ROBO2: variants seen among roughly 807,000 people sequenced by gnomAD.
ROBO2 encodes roundabout guidance receptor 2, also known as roundabout homolog 2.
ROBO2 carries 53 observed loss-of-function variants against 160.8 expected under a neutral mutation model. That is an observed-to-expected ratio of 0.33 (90% CI 0.26 to 0.41). ROBO2 has a LOEUF of 0.41. Among genes scored for constraint, ROBO2 ranks in the 10% least tolerant of loss-of-function variants. The probability of loss-of-function intolerance (pLI) is 1.00; values close to 1 mark genes in which losing one functional copy is unlikely to be tolerated. For missense variants in ROBO2, 1,577 were observed against 1,722.4 expected, an observed-to-expected ratio of 0.92 and a Z score of 1.49; for synonymous variants, 664 against 611.7, an observed-to-expected ratio of 1.09 and a Z score of -1.26.
intron 2 of ROBO2, among the ~76,000 whole-genome samples, chr3:77,216,896 T>A (rs921892892): frequency 6.6e-6 from 1 of 152,188 alleles, no homozygotes; most frequent in Non-Finnish European, 1.5e-5. Flanking sequence ...ATCACTCTTA[T>A]CAAGTGTGTC....
intron 19 of ROBO2, among the ~76,000 whole-genome samples, chr3:77,601,599 T>G (rs2094431512): frequency 6.6e-6 from 1 of 152,214 alleles, no homozygotes; most frequent in Non-Finnish European, 1.5e-5. Flanking sequence ...GATTGCTTTT[T>G]CTATAGTTAA....
At chr3:76,097,209 T>C (rs2069487647) in intron 2 of ROBO2, among the ~76,000 whole-genome samples, 1 of 152,182 alleles carries the variant, frequency 6.6e-6, no homozygotes, top group South Asian at 2.1e-4. Context: ...GCCAACCCTA[T>C]GTGCTGCAGC....
intron 2 of ROBO2, among the ~76,000 whole-genome samples, chr3:76,498,978 C>T (rs936406357): frequency 2.6e-5 from 4 of 152,238 alleles, no homozygotes; most frequent in East Asian, 3.9e-4. Flanking sequence ...TGAGCCACTG[C>T]GCCCAGCAGT....
chr3:76,115,958 G>A (rs879488477), intron 2 of ROBO2, among the ~76,000 whole-genome samples: 2 of 152,084 alleles, frequency 1.3e-5, no homozygotes, highest in Non-Finnish European at 2.9e-5. Flanking sequence ...AAAATTTAAT[G>A]CAGACATTTT....
intron 2 of ROBO2, among the ~76,000 whole-genome samples, chr3:76,235,465 C>T (rs916792618): frequency 1.3e-5 from 2 of 152,118 alleles, no homozygotes; most frequent in South Asian, 2.1e-4. Flanking sequence ...TCTACGACTG[C>T]GGAGAATACA....
intron 2 of ROBO2, among the ~76,000 whole-genome samples, chr3:77,105,285 G>A (rs1173205119): frequency 5.9e-5 from 9 of 152,202 alleles, no homozygotes; most frequent in Non-Finnish European, 1.2e-4. Flanking sequence ...GTGGCGATGA[G>A]TTGGACTGGA....
chr3:75,964,005 G>C (rs1019242256), intron 2 of ROBO2, among the ~76,000 whole-genome samples: 1 of 151,658 alleles, frequency 6.6e-6, no homozygotes, highest in African/African-American at 2.4e-5. Flanking sequence ...GAATTTCACC[G>C]TATGAATTTG....
chr3:77,646,118 A>T (rs2095410968), exon 26 of ROBO2: 1 of 1,344,026 alleles, frequency 7.4e-7, no homozygotes, highest in African/African-American at 1.4e-5. Context: ...CATGGAAGTG[A>T]TGACTCTAAA....
At chr3:76,999,783 G>A (rs962599226) in intron 2 of ROBO2, among the ~76,000 whole-genome samples, 2 of 152,094 alleles carry the variant, frequency 1.3e-5, no homozygotes, top group African/African-American at 2.4e-5. Context: ...GCCTTATTCC[G>A]CCGTGCTGAT....
intron 2 of ROBO2, among the ~76,000 whole-genome samples, chr3:77,236,176 T>C (rs1158373421): frequency 1.3e-5 from 2 of 152,132 alleles, no homozygotes; most frequent in African/African-American, 2.4e-5. Context: ...GTCTGGAAAG[T>C]AGGGGCAACT....
intron 2 of ROBO2, among the ~76,000 whole-genome samples, chr3:76,164,941 C>T (rs1441725844): frequency 1.3e-5 from 2 of 152,186 alleles, no homozygotes; most frequent in Admixed American, 1.3e-4. Context: ...TAGGACTGGC[C>T]ATGGACCCAG....
rs78860654 is a variant in ROBO2, at chr3:75,935,278, C to T, written c.-13-2203C>T. On this transcript the variant is annotated intron_variant, in intron 1 of 26. Transcript: ENST00000487694. ...CTCACACCTGTAATCTCATTGCTTTCGGAAGTCTAGGTGGGAGGATCCCTT... is the reference window on the plus strand; with the variant it reads ...CTCACACCTGTAATCTCATTGCTTTTGGAAGTCTAGGTGGGAGGATCCCTT... Among the ~76,000 whole-genome samples the T allele has an allele frequency of 1.6e-4, 24 of 152,084 alleles. No individual in the cohort carries two copies. In the East Asian group the frequency reaches 4.5e-3, roughly 28 times the overall value.
intron 2 of ROBO2, among the ~76,000 whole-genome samples, chr3:77,300,614 C>T (rs537299228): frequency 1.0e-3 from 154 of 151,898 alleles, no homozygotes; most frequent in Non-Finnish European, 1.6e-3. Context: ...GAGGAAATTG[C>T]GAGATATAAA....
intron 2 of ROBO2, among the ~76,000 whole-genome samples, chr3:77,179,048 C>G (rs150748775): frequency 0.015 from 2,314 of 151,914 alleles, 31 homozygotes; most frequent in Non-Finnish European, 0.021. Context: ...GTATGTGGTA[C>G]TTACTATATA....
chr3:76,955,535 A>G (rs2079193074), intron 2 of ROBO2, among the ~76,000 whole-genome samples: 1 of 152,138 alleles, frequency 6.6e-6, no homozygotes, highest in South Asian at 2.1e-4. Flanking sequence ...GTTCTTTATT[A>G]TAGCCATCAT....
At chr3:77,395,965 C>T (rs981871511) in intron 2 of ROBO2, among the ~76,000 whole-genome samples, 3 of 151,494 alleles carry the variant, frequency 2.0e-5, no homozygotes, top group Admixed American at 2.0e-4. Context: ...GAAATTTCAA[C>T]TGCTAGGAAA....
At chr3:75,980,881 A>C (rs1423370881) in intron 2 of ROBO2, among the ~76,000 whole-genome samples, 5 of 145,604 alleles carry the variant, frequency 3.4e-5, no homozygotes, top group African/African-American at 1.2e-4. Context: ...GAATAATAAC[A>C]TGCATTATGA....
chr3:77,179,855 C>T (rs549228012), intron 2 of ROBO2, among the ~76,000 whole-genome samples: 46 of 152,130 alleles, frequency 3.0e-4, no homozygotes, highest in African/African-American at 1.1e-3. Context: ...TTACAAGTTG[C>T]GGTTCTGGAT....
At chr3:76,890,053 T>C (rs1367280304) in intron 2 of ROBO2, among the ~76,000 whole-genome samples, 2 of 152,192 alleles carry the variant, frequency 1.3e-5, no homozygotes, top group East Asian at 3.9e-4. Context: ...CCTTTCACTC[T>C]GCGTGTAATG....
Sources: gnomAD v4.1 joint callset for allele counts (sites outside exome capture counted in the v4.1 genomes callset) on GRCh38, gnomAD v4.1.1 for gene constraint, MANE v1.5 for transcripts, NCBI Gene and HGNC (gene_info 2026-07-23, HGNC 2026-07-21) for gene names.